The following SAMD12 variants were observed in gnomAD, a reference collection of about 807,000 sequenced individuals.
SAMD12 encodes sterile alpha motif domain containing 12, also known as sterile alpha motif domain-containing protein 12.
A neutral mutation model predicts 15.0 loss-of-function variants in SAMD12; 9 were observed. That is an observed-to-expected ratio of 0.60 (90% CI 0.36 to 1.05). The LOEUF is 1.05. Among genes scored for constraint, SAMD12 ranks in the 50% least tolerant of loss-of-function variants. The pLI, the probability that SAMD12 is intolerant of heterozygous loss-of-function variation, is 0.01. For missense variants in SAMD12, 230 were observed against 234.2 expected, an observed-to-expected ratio of 0.98 and a Z score of 0.12; for synonymous variants, 86 against 90.1, an observed-to-expected ratio of 0.96 and a Z score of 0.25.
chr8:118,280,132 C>A (rs1293586036), intron 4 of SAMD12, among the ~76,000 whole-genome samples: 2 of 152,114 alleles, frequency 1.3e-5, no homozygotes, highest in Non-Finnish European at 2.9e-5. Flanking sequence ...TGTTCTACTG[C>A]AATTGCTCAG....
chr8:118,440,692 ACACAAACACAC>A (rs1563861847), intron 2 of SAMD12, among the ~76,000 whole-genome samples: 91 of 140,744 alleles, frequency 6.5e-4, no homozygotes, highest in Non-Finnish European at 1.2e-3. Flanking sequence ...ACACACACAC[ACACAAACACAC>A]ACACACACAC....
At chr8:118,604,214 T>G (rs1344003777) in intron 1 of SAMD12, among the ~76,000 whole-genome samples, 5 of 152,186 alleles carry the variant, frequency 3.3e-5, no homozygotes, top group Non-Finnish European at 7.4e-5. Context: ...GTTGTCAGCA[T>G]CAGAGAGAAT....
chr8:118,380,680 TGAA>T (rs1024247143), intron 3 of SAMD12, among the ~76,000 whole-genome samples: 3 of 152,184 alleles, frequency 2.0e-5, no homozygotes, highest in African/African-American at 7.2e-5. Context: ...TTTCCACAGA[TGAA>T]GAAGAGACAG....
chr8:118,516,764 G>A (rs972545945), intron 2 of SAMD12, among the ~76,000 whole-genome samples: 5 of 151,478 alleles, frequency 3.3e-5, no homozygotes, highest in Non-Finnish European at 7.4e-5. Context: ...TCAGCCTCCC[G>A]AGTACCTGGG....
At chr8:118,353,706 A>G (rs1459505827) in intron 4 of SAMD12, among the ~76,000 whole-genome samples, 1 of 152,038 alleles carries the variant, frequency 6.6e-6, no homozygotes, top group African/African-American at 2.4e-5. Flanking sequence ...GTTTATTTCC[A>G]TTTCCTTTCC....
chr8:118,288,685 G>C (rs1586440422), intron 4 of SAMD12, among the ~76,000 whole-genome samples: 1 of 152,148 alleles, frequency 6.6e-6, no homozygotes, highest in African/African-American at 2.4e-5. Context: ...GAAGATGAGA[G>C]TCCATTTAGT....
At chr8:118,356,192 A>G (rs1391991207) in intron 4 of SAMD12, among the ~76,000 whole-genome samples, 2 of 152,208 alleles carry the variant, frequency 1.3e-5, no homozygotes, top group Non-Finnish European at 2.9e-5. Context: ...AAGAAAACTT[A>G]CTTTCAGAGA....
the SAMD12 span, among the ~76,000 whole-genome samples, chr8:118,152,343 G>A: frequency 6.6e-6 from 1 of 152,106 alleles, no homozygotes; most frequent in Non-Finnish European, 1.5e-5. Context: ...ATAACAAACT[G>A]AGATTCAAAA....
At chr8:118,420,691 A>T (rs377364934) in intron 3 of SAMD12, among the ~76,000 whole-genome samples, 13 of 152,204 alleles carry the variant, frequency 8.5e-5, no homozygotes, top group African/African-American at 1.7e-4. Context: ...GGAATTTTAT[A>T]TTTTTTATTT....
intron 4 of SAMD12, among the ~76,000 whole-genome samples, chr8:118,250,300 G>T (rs1041736817): frequency 1.3e-5 from 2 of 152,150 alleles, no homozygotes; most frequent in African/African-American, 4.8e-5. Context: ...AACTCTCAGA[G>T]CCTCACTTTC....
At chr8:118,248,241 C>T (rs753211065) in intron 4 of SAMD12, among the ~76,000 whole-genome samples, 1 of 152,130 alleles carries the variant, frequency 6.6e-6, no homozygotes, top group Non-Finnish European at 1.5e-5. Context: ...TTTTCTTATA[C>T]AAAACACTAC....
At chr8:118,196,902 CTAAGA>C (rs1819579931) in exon 5 of SAMD12, 1 of 152,110 alleles carries the variant, frequency 6.6e-6, no homozygotes, top group African/African-American at 2.4e-5. Flanking sequence ...AAGAAGCAAG[CTAAGA>C]TATCACCATC....
At chr8:118,531,666 G>A (rs1825688289) in intron 2 of SAMD12, among the ~76,000 whole-genome samples, 1 of 152,096 alleles carries the variant, frequency 6.6e-6, no homozygotes, top group Admixed American at 6.5e-5. Flanking sequence ...TGGATTCTTA[G>A]GTATCTTATT....
At chr8:118,169,664 C>G in the SAMD12 span, among the ~76,000 whole-genome samples, 1 of 152,106 alleles carries the variant, frequency 6.6e-6, no homozygotes, top group South Asian at 2.1e-4. Context: ...TCAGGGAGAC[C>G]TATGGATAGT....
the SAMD12 span, among the ~76,000 whole-genome samples, chr8:118,133,971 T>C: frequency 6.6e-6 from 1 of 152,236 alleles, no homozygotes; most frequent in Non-Finnish European, 1.5e-5. Context: ...ATTGGCTCTT[T>C]TATCCCCTTA....
At chr8:118,215,623 C>A (rs17454861) in intron 4 of SAMD12, among the ~76,000 whole-genome samples, 1 of 151,502 alleles carries the variant, frequency 6.6e-6, no homozygotes, top group Non-Finnish European at 1.5e-5. Context: ...TCTCCCCCCA[C>A]CCCACCACAG....
intron 2 of SAMD12, among the ~76,000 whole-genome samples, chr8:118,538,494 G>A (rs1390776496): frequency 6.6e-6 from 1 of 152,160 alleles, no homozygotes; most frequent in East Asian, 1.9e-4. Flanking sequence ...TGTGGACACT[G>A]GTTGAGTTCT....
At chr8:118,421,246 A>C (rs1821984084) in intron 3 of SAMD12, among the ~76,000 whole-genome samples, 1 of 152,220 alleles carries the variant, frequency 6.6e-6, no homozygotes, top group African/African-American at 2.4e-5. Context: ...CATATAGTAG[A>C]TGCTCAATAA....
At chr8:118,211,270 T>G (rs907636833) in intron 4 of SAMD12, among the ~76,000 whole-genome samples, 2 of 152,186 alleles carry the variant, frequency 1.3e-5, no homozygotes, top group African/African-American at 4.8e-5. Flanking sequence ...AAACGTAAGA[T>G]AAATAATGAA....
Sources: allele counts gnomAD v4.1 joint callset (sites outside exome capture counted in the v4.1 genomes callset), GRCh38; gene constraint gnomAD v4.1.1; transcripts MANE v1.5; gene names NCBI Gene and HGNC (gene_info 2026-07-23, HGNC 2026-07-21).